TCHP: variants seen among roughly 807,000 people sequenced by gnomAD.
TCHP encodes the protein trichoplein keratin filament binding.
In TCHP, 81 loss-of-function variants were observed where a neutral mutation model predicts 88.7. The ratio of observed to expected loss-of-function variants is 0.91; its 90% CI spans 0.76 to 1.10. The LOEUF (loss-of-function observed/expected upper bound fraction) is 1.10, where lower values mean the gene tolerates loss of function less well. Ranked by LOEUF, TCHP falls within the 50% of genes least tolerant of loss-of-function variation. TCHP has a pLI of 0.00. For synonymous variants in TCHP, 232 were observed against 232.5 expected (o/e 1.00, Z 0.02); for missense variants, 641 against 632.1 (o/e 1.01, Z -0.15).
At chr12:109,894,321 G>A in the TCHP span, among the ~76,000 whole-genome samples, 12 of 151,730 alleles carry the variant, frequency 7.9e-5, no homozygotes, top group African/African-American at 1.2e-4. Flanking sequence ...TTAGCCGGGC[G>A]TGGTGGTGGG....
At chr12:109,891,501 C>T in the TCHP span, among the ~76,000 whole-genome samples, 8 of 151,326 alleles carry the variant, frequency 5.3e-5, no homozygotes, top group African/African-American at 1.7e-4. Context: ...TCAAGCAATT[C>T]TCCTGCCTCA....
In TCHP at chr12:109,915,693, T is replaced by A; in HGVS notation, c.1464+147T>A. 3.8e-6 allele frequency: 4 copies of A among 1,062,498 alleles called. No individual in the cohort carries two copies. In the South Asian group the frequency reaches 6.7e-5, roughly 18 times the overall value. 65.8% of individuals were successfully genotyped at this position (1,062,498 alleles called of 1,614,324 possible). A position where few individuals can be genotyped will look rare whatever the true frequency, so the allele number is the denominator to read the frequency against. ...TTGTTTCTCTTCTCTTGTATTTCTC[T>A]CTTCCCTGACCAGCAGGGAGCCCTG... On this transcript the variant is annotated intron_variant, in intron 12 of 12. Transcript: ENST00000405876.
At chr12:109,894,151 C>G in the TCHP span, among the ~76,000 whole-genome samples, 1 of 151,304 alleles carries the variant, frequency 6.6e-6, no homozygotes, top group South Asian at 2.1e-4. Flanking sequence ...CACCACTGTA[C>G]TCTAGCCTGG....
At chr12:109,908,051 A>G (rs1478326224) in intron 6 of TCHP, among the ~76,000 whole-genome samples, 2 of 152,152 alleles carry the variant, frequency 1.3e-5, no homozygotes, top group Admixed American at 1.3e-4. Flanking sequence ...CGTGGGGAGC[A>G]GGTTTCGGGT....
Position 109,905,406 on chromosome 12 carries a change from A to G in TCHP, c.456+613A>G, listed in dbSNP as rs1592907529. ...GGAAGAGCTTGTGTGACCTTCCTCC[A>G]AAGGGGCTGGGGGCAGCATACAGGA... On this transcript the variant is annotated intron_variant, in intron 4 of 12. Coordinates refer to ENST00000405876, the MANE Select transcript of TCHP (RefSeq NM_001143852.2). The surrounding 1 kb of genome is among the most constrained non-coding windows in gnomAD (Gnocchi z 4.0). Among the ~76,000 whole-genome samples, 2 of 152,128 alleles carry G rather than the reference A, an allele frequency of 1.3e-5. No individual in the cohort carries two copies. The highest frequency in any genetic ancestry group is 3.9e-4 in the East Asian group (2 of 5,186).
intron 9 of TCHP, among the ~76,000 whole-genome samples, chr12:109,911,793 A>C (rs891454823): frequency 5.9e-5 from 9 of 151,570 alleles, no homozygotes; most frequent in Non-Finnish European, 1.2e-4. Flanking sequence ...GAGGTTTAGA[A>C]GGAAATTATT....
In TCHP at chr12:109,905,803, A is replaced by C. The variant is rs951918697; in HGVS notation, c.457-769A>C. Among the ~76,000 whole-genome samples, 2 of 152,246 alleles carry C rather than the reference A, an allele frequency of 1.3e-5. No individual in the cohort carries two copies. Among genetic ancestry groups the C allele is most frequent in the African/African-American group, 4.8e-5 (2 of 41,458 alleles). The stretch of plus-strand genomic sequence containing the variant: ...TGGAATCATCCAGAGCCGTTAAATC[A>C]GAAAAGTTTATTCAGAACATTCAAG... On this transcript the variant is annotated intron_variant, in intron 4 of 12. Coordinates refer to ENST00000405876, the MANE Select transcript of TCHP (RefSeq NM_001143852.2). This position sits in a 1 kb window ranked among gnomAD's most constrained non-coding sequence, Gnocchi z 4.0.
upstream of TCHP, among the ~76,000 whole-genome samples, chr12:109,898,795 T>TTTTA (rs995052655): frequency 1.3e-5 from 2 of 152,168 alleles, no homozygotes; most frequent in East Asian, 1.9e-4. Context: ...AGCCTGCTAA[T>TTTTA]TTTATTTATT....
Position 109,903,920 on chromosome 12 carries a change from G to A in TCHP, c.189-17G>A. 1 of 1,587,284 alleles carries A rather than the reference G, an allele frequency of 6.3e-7. No homozygotes were observed. The highest frequency in any genetic ancestry group is 8.6e-7 in the Non-Finnish European group (1 of 1,166,250). On this transcript the variant is annotated splice_polypyrimidine_tract_variant and intron_variant, in intron 2 of 12. Coordinates refer to ENST00000405876, the MANE Select transcript of TCHP (RefSeq NM_001143852.2). The surrounding 1 kb of genome is among the most constrained non-coding windows in gnomAD (Gnocchi z 4.6). ...GGCTGTAGCATGATTGATTCAGGCA[G>A]GCCCCCTCTCACCCAGCATGCATGC...
chr12:109,884,382 A>T, the TCHP span, among the ~76,000 whole-genome samples: 1 of 151,778 alleles, frequency 6.6e-6, no homozygotes, highest in South Asian at 2.1e-4. Flanking sequence ...TAGAGACAGG[A>T]TTTCACCGTG....
chr12:109,907,419 A>C, intron 5 of TCHP, 107 bp from the exon 6 acceptor site: 1 of 1,159,368 alleles, frequency 8.6e-7, no homozygotes, highest in Non-Finnish European at 1.2e-6. Flanking sequence ...TTTGGGATTC[A>C]GGCAGGAACT....
chr12:109,889,775 G>T, the TCHP span, among the ~76,000 whole-genome samples: 5 of 152,304 alleles, frequency 3.3e-5, no homozygotes, highest in Admixed American at 1.3e-4. Context: ...TTTCTACCCA[G>T]GACTGGCAAT....
chr12:109,907,380 C>T (rs1870200097), intron 5 of TCHP, 146 bp from the exon 6 acceptor site: 2 of 795,922 alleles, frequency 2.5e-6, no homozygotes, highest in Admixed American at 2.3e-5. Flanking sequence ...TTGAGTCCCT[C>T]CCTGACTTGG....
chr12:109,911,679 G>A (rs1161698325), intron 9 of TCHP, among the ~76,000 whole-genome samples: 1 of 151,774 alleles, frequency 6.6e-6, no homozygotes, highest in Non-Finnish European at 1.5e-5. Context: ...TTCCTGAGGA[G>A]CACATCTTCA....
At chr12:109,895,265 A>G (rs1869530634), upstream of TCHP, among the ~76,000 whole-genome samples, 1 of 140,560 alleles carries the variant, frequency 7.1e-6, no homozygotes, top group Non-Finnish European at 1.5e-5. Context: ...GCTGCAGTGC[A>G]GTGGCTCAAT....
intron 12 of TCHP, 77 bp downstream of exon 12, chr12:109,915,623 A>G: frequency 6.8e-7 from 1 of 1,478,046 alleles, no homozygotes; most frequent in East Asian, 2.4e-5. Flanking sequence ...GGGCCTGCTC[A>G]TCGCCCCGCG....
intron 4 of TCHP, 22 bp downstream of exon 4, chr12:109,904,815 T>C: frequency 6.2e-7 from 1 of 1,602,934 alleles, no homozygotes; most frequent in Non-Finnish European, 8.5e-7. Context: ...AGATCTCCAT[T>C]GATTTATCTA....
intron 9 of TCHP, 45 bp downstream of exon 9, chr12:109,911,280 T>C (rs772872476): frequency 1.8e-6 from 2 of 1,120,700 alleles, no homozygotes; most frequent in African/African-American, 3.1e-5. Flanking sequence ...TGGCCTCAAC[T>C]CTGATACCTT....
At chr12:109,886,998 C>T in the TCHP span, among the ~76,000 whole-genome samples, 8 of 152,198 alleles carry the variant, frequency 5.3e-5, no homozygotes, top group South Asian at 4.1e-4. Flanking sequence ...TGAGCCACTG[C>T]GCCCGGCCTA....
Sources: allele counts gnomAD v4.1 joint callset (sites outside exome capture counted in the v4.1 genomes callset), GRCh38; gene constraint gnomAD v4.1.1; non-coding constraint Gnocchi (gnomAD v3.1); transcripts MANE v1.5; gene names NCBI Gene and HGNC (gene_info 2026-07-23, HGNC 2026-07-21).